The following KIAA2012 variants were observed in gnomAD, a reference collection of about 807,000 sequenced individuals.
KIAA2012 encodes uncharacterized protein KIAA2012.
A neutral mutation model predicts 150.6 loss-of-function variants in KIAA2012; 125 were observed. The ratio of observed to expected loss-of-function variants is 0.83; its 90% CI spans 0.72 to 0.96. KIAA2012 has a LOEUF of 0.96. KIAA2012 is among the 40% of genes least tolerant of loss of function. The pLI is 0.00. For missense variants in KIAA2012, 1,219 were observed against 1,354.9 expected (o/e 0.90, Z 1.57); for synonymous variants, 462 against 504.7 (o/e 0.92, Z 1.13).
rs1490373835 is a variant in KIAA2012, at chr2:202,099,761, G to A, written c.977G>A (p.Gly326Glu). The A allele has an allele frequency of 6.5e-7, 1 of 1,550,122 alleles. No individual in the cohort carries two copies. Among genetic ancestry groups the A allele is most frequent in the East Asian group, 2.4e-5 (1 of 40,926 alleles). Reference protein sequence around the residue: ...PSDKSHITFCGGAFPNRKADL... With the variant: ...PSDKSHITFCEGAFPNRKADL... ...GACAAATCCCACATTACATTCTGTG[G>A]AGGCGCCTTCCCTAATAGGAAGGCA... The change falls in exon 6 of 24, where the codon GGA (glycine) becomes GAA (glutamate). Residue 326 changes from glycine to glutamate, a missense_variant. By Grantham distance (98) the Gly-to-Glu change is moderately conservative. Transcript: ENST00000498697.
chr2:202,163,730 G>T (rs1475376619), intron 14 of KIAA2012, among the ~76,000 whole-genome samples: 2 of 150,150 alleles, frequency 1.3e-5, no homozygotes, highest in East Asian at 3.9e-4. Flanking sequence ...TATAACCAGG[G>T]ATATCTAGTC....
intron 8 of KIAA2012, among the ~76,000 whole-genome samples, chr2:202,105,494 C>A (rs1374310075): frequency 7.9e-5 from 12 of 152,228 alleles, no homozygotes; most frequent in Non-Finnish European, 2.9e-5. Flanking sequence ...GGATATGCCT[C>A]TTAAAAGCTC....
At chr2:202,107,817 T>G (rs1250623798) in intron 9 of KIAA2012, among the ~76,000 whole-genome samples, 3 of 152,134 alleles carry the variant, frequency 2.0e-5, no homozygotes, top group Non-Finnish European at 4.4e-5. Flanking sequence ...GAGACCAGCC[T>G]GACCAACGTG....
intron 2 of KIAA2012, among the ~76,000 whole-genome samples, chr2:202,075,640 C>T (rs1020560224): frequency 1.3e-5 from 2 of 152,154 alleles, no homozygotes; most frequent in African/African-American, 4.8e-5. Flanking sequence ...AAGTTAATGA[C>T]TTTTTCCATC....
Position 202,097,470 on chromosome 2 carries a change from G to T in KIAA2012, c.721G>T (p.Ala241Ser). The T allele has an allele frequency of 6.4e-7, 1 of 1,550,576 alleles. No homozygotes were observed. The highest frequency in any genetic ancestry group is 8.7e-7 in the Non-Finnish European group (1 of 1,146,966). ...CCTGGATGAAGGGGAAGCTGGAGCT[G>T]CTGGACACGTGGACCAGGGCCCTCT... ...QGLDEGEAGA[A>S]GHVDQGPLAK... The change falls in exon 5 of 24, where the codon GCT (alanine) becomes TCT (serine). Residue 241 changes from alanine to serine, a missense_variant. By Grantham distance (99) the Ala-to-Ser change is moderately conservative. Transcript: ENST00000498697.
At chr2:202,198,009 A>G (rs1368489807) in intron 22 of KIAA2012, 1 of 151,820 alleles carries the variant, frequency 6.6e-6, no homozygotes, top group African/African-American at 2.4e-5. Flanking sequence ...CCTCATCTCT[A>G]CTAAAAATAC....
chr2:202,109,555 TCTC>T (rs1406200623), intron 9 of KIAA2012, 55 bp from the exon 10 acceptor site: 2 of 1,428,398 alleles, frequency 1.4e-6, no homozygotes, highest in East Asian at 2.5e-5. Flanking sequence ...AGAGCTTCCT[TCTC>T]CTTCCTGCTG....
chr2:202,132,406 CCTGT>C (rs1690951894), intron 12 of KIAA2012, among the ~76,000 whole-genome samples: 7 of 152,004 alleles, frequency 4.6e-5, no homozygotes, highest in Non-Finnish European at 8.8e-5. Flanking sequence ...GTAGCTCACA[CCTGT>C]AATCCCAGCA....
At chr2:202,131,896 C>A (rs1690938574) in intron 12 of KIAA2012, among the ~76,000 whole-genome samples, 1 of 152,118 alleles carries the variant, frequency 6.6e-6, no homozygotes, top group Non-Finnish European at 1.5e-5. Context: ...AGCTAAGAGG[C>A]CTGGTGCGGT....
intron 5 of KIAA2012, among the ~76,000 whole-genome samples, chr2:202,098,938 G>C (rs1455904475): frequency 6.6e-6 from 1 of 151,136 alleles, no homozygotes; most frequent in East Asian, 2.0e-4. Context: ...GAAGAGGAAA[G>C]GGGGAGAAGA....
chr2:202,147,769 A>G (rs986999529), intron 13 of KIAA2012, among the ~76,000 whole-genome samples: 46 of 152,318 alleles, frequency 3.0e-4, no homozygotes, highest in African/African-American at 1.1e-3. Context: ...CAGACCCAAC[A>G]AAACAAGGAA....
chr2:202,133,130 A>ATATTTTTTTTTTTTT (rs1279080237), intron 12 of KIAA2012, among the ~76,000 whole-genome samples: 1 of 67,770 alleles, frequency 1.5e-5, no homozygotes, highest in East Asian at 2.8e-4. Context: ...ATATATATAT[A>ATATTTTTTTTTTTTT]TTTTTTTTTT....
intron 4 of KIAA2012, among the ~76,000 whole-genome samples, chr2:202,095,431 A>T (rs1689843946): frequency 6.6e-6 from 1 of 152,164 alleles, no homozygotes; most frequent in Non-Finnish European, 1.5e-5. Context: ...GTAAAATGCA[A>T]ATACTGGGGT....
intron 3 of KIAA2012, among the ~76,000 whole-genome samples, chr2:202,091,896 G>A (rs1481960607): frequency 6.6e-6 from 1 of 152,210 alleles, no homozygotes; most frequent in African/African-American, 2.4e-5. Context: ...CCAATAAGTG[G>A]TGACTTGAAG....
intron 14 of KIAA2012, among the ~76,000 whole-genome samples, chr2:202,159,629 C>A (rs1232643517): frequency 6.6e-6 from 1 of 152,124 alleles, no homozygotes; most frequent in African/African-American, 2.4e-5. Context: ...ATCACCACCT[C>A]AGGTAGTTCG....
intron 14 of KIAA2012, among the ~76,000 whole-genome samples, chr2:202,155,908 T>C (rs1691516956): frequency 1.3e-5 from 2 of 152,176 alleles, no homozygotes; most frequent in Non-Finnish European, 2.9e-5. Context: ...GGCCACCAGC[T>C]TCTATTTCCC....
In KIAA2012 at chr2:202,165,126, C is replaced by A. The variant is rs13420413; in HGVS notation, c.2047-158C>A. 7.2e-3 allele frequency among the ~76,000 whole-genome samples: 1,102 copies of A among 152,220 alleles called. 12 individuals carry two copies. Among genetic ancestry groups the A allele is most frequent in the African/African-American group, 0.025 (1,029 of 41,528 alleles). ...TAAGCCTGTTTAACACTAGTAGCAG[C>A]CTTCCTGGAGACTTAAGTAAAAAGT... On this transcript the variant is annotated intron_variant, in intron 14 of 23. Transcript: ENST00000498697.
At chr2:202,198,816 G>A (rs780355950) in intron 22 of KIAA2012, among the ~76,000 whole-genome samples, 11 of 152,162 alleles carry the variant, frequency 7.2e-5, no homozygotes, top group Admixed American at 2.0e-4. Flanking sequence ...AATCTAAGAT[G>A]ATAAATACTC....
intron 14 of KIAA2012, among the ~76,000 whole-genome samples, chr2:202,156,270 C>A (rs774391671): frequency 6.6e-5 from 10 of 152,020 alleles, no homozygotes; most frequent in African/African-American, 2.4e-4. Context: ...ATATTTGTTA[C>A]GAGTATTCAA....
Sources: gnomAD v4.1 joint callset for allele counts (sites outside exome capture counted in the v4.1 genomes callset) on GRCh38, gnomAD v4.1.1 for gene constraint, MANE v1.5 for transcripts, NCBI Gene and HGNC (gene_info 2026-07-23, HGNC 2026-07-21) for gene names.